Variants in PID1 observed in about 807,000 individuals in gnomAD.
PID1 encodes phosphotyrosine interaction domain containing 1.
In PID1, 10 loss-of-function variants were observed where a neutral mutation model predicts 19.1. The ratio of observed to expected loss-of-function variants is 0.52; its 90% CI spans 0.32 to 0.89. The LOEUF (loss-of-function observed/expected upper bound fraction) is 0.89, where lower values mean the gene tolerates loss of function less well. PID1 is among the 40% of genes least tolerant of loss of function. PID1 has a pLI of 0.03. For missense variants in PID1, 248 were observed against 285.3 expected (o/e 0.87, Z 0.94); for synonymous variants, 130 against 116.0 (o/e 1.12, Z -0.78).
At chr2:229,058,877 C>T (rs1026160659) in intron 2 of PID1, among the ~76,000 whole-genome samples, 3 of 152,020 alleles carry the variant, frequency 2.0e-5, no homozygotes, top group African/African-American at 7.2e-5. Context: ...CTTAAAAGAG[C>T]TTCAGAAGTC....
chr2:229,073,058 C>A (rs1258733737), intron 2 of PID1, among the ~76,000 whole-genome samples: 2 of 152,196 alleles, frequency 1.3e-5, no homozygotes, highest in African/African-American at 4.8e-5. Context: ...CGGAGTCTCG[C>A]TCTGTCACCC....
chr2:229,148,987 CT>C (rs1690192439), intron 2 of PID1, among the ~76,000 whole-genome samples: 2 of 150,928 alleles, frequency 1.3e-5, no homozygotes, highest in Admixed American at 6.6e-5. Flanking sequence ...ATCAATGACT[CT>C]GAATTTAGAT....
intron 1 of PID1, among the ~76,000 whole-genome samples, chr2:229,171,380 T>C (rs1210465691): frequency 3.9e-5 from 6 of 152,190 alleles, no homozygotes; most frequent in Non-Finnish European, 8.8e-5. Context: ...CGCAAAGCCA[T>C]CTATGGAGGA....
At chr2:229,075,740 C>T (rs1014719846) in intron 2 of PID1, among the ~76,000 whole-genome samples, 55 of 152,290 alleles carry the variant, frequency 3.6e-4, no homozygotes, top group African/African-American at 1.3e-3. Flanking sequence ...GCTGGGTCCC[C>T]AACTCTCACT....
At position 229,026,082 on chromosome 2, in the gene PID1, G is replaced by A; in HGVS notation, c.204C>T (p.Thr68=). Reference sequence around the variant, plus strand: ...AGCCTGACAAAAACTGCATGCCAGTGGTGGAGACTTTGCCCAGGTAGGTAA... The same window carrying A: ...AGCCTGACAAAAACTGCATGCCAGTAGTGGAGACTTTGCCCAGGTAGGTAA... ...CKVTYLGKVS[T]TGMQFLSGCT... is the part of the protein sequence containing the mutation. The change falls in exon 3 of 3, where the codon ACC becomes ACT. Residue 68 remains threonine (T), a synonymous_variant. Transcript: ENST00000392055. 1 of 1,613,912 alleles carries A rather than the reference G, an allele frequency of 6.2e-7. No homozygotes were observed. The highest frequency in any genetic ancestry group is 8.5e-7 in the Non-Finnish European group (1 of 1,179,824).
chr2:229,263,267 T>C (rs1292240511), intron 1 of PID1, among the ~76,000 whole-genome samples: 1 of 152,194 alleles, frequency 6.6e-6, no homozygotes, highest in Non-Finnish European at 1.5e-5. Context: ...TCCTTCCATC[T>C]TATCATGCTA....
rs56674281 is a variant in PID1, at chr2:229,251,275, AT to A, written c.30+19738del. ...AATTGAAATATTTGCAAGGTACTGTATTTTTTTTTTTTTCAGTGTATAGGAA... is the reference window on the plus strand; with the variant it reads ...AATTGAAATATTTGCAAGGTACTGTATTTTTTTTTTTTCAGTGTATAGGAA... On this transcript the variant is annotated intron_variant, in intron 1 of 2. Transcript: ENST00000392055. Among the ~76,000 whole-genome samples the A allele has an allele frequency of 4.0e-3, 598 of 150,984 alleles. 4 individuals carry two copies. The highest frequency in any genetic ancestry group is 0.012 in the African/African-American group (477 of 41,230).
chr2:229,189,661 C>T (rs1331944364), intron 1 of PID1, among the ~76,000 whole-genome samples: 1 of 152,202 alleles, frequency 6.6e-6, no homozygotes. Flanking sequence ...TGCACCACTG[C>T]ACTCTAGCCT....
intron 1 of PID1, among the ~76,000 whole-genome samples, chr2:229,235,398 A>G (rs1042527846): frequency 6.6e-6 from 1 of 152,170 alleles, no homozygotes; most frequent in Non-Finnish European, 1.5e-5. Context: ...GTTGACTAAG[A>G]CCTCAGAAGG....
chr2:229,029,853 A>AT (rs1026801539), intron 2 of PID1, among the ~76,000 whole-genome samples: 1 of 151,770 alleles, frequency 6.6e-6, no homozygotes, highest in African/African-American at 2.4e-5. Flanking sequence ...AAAAAAAAAA[A>AT]ACAATTAAAA....
intron 2 of PID1, among the ~76,000 whole-genome samples, chr2:229,064,213 G>A (rs1694273900): frequency 6.6e-6 from 1 of 152,130 alleles, no homozygotes; most frequent in Non-Finnish European, 1.5e-5. Flanking sequence ...GCGAAGCAAG[G>A]TAAGAGGCTA....
intron 2 of PID1, among the ~76,000 whole-genome samples, chr2:229,096,842 C>T (rs1332690704): frequency 6.6e-6 from 1 of 152,104 alleles, no homozygotes; most frequent in Non-Finnish European, 1.5e-5. Flanking sequence ...GTAATAATAA[C>T]CCCACAGTTG....
chr2:229,121,210 T>C (rs1187922485), intron 2 of PID1, among the ~76,000 whole-genome samples: 1 of 152,148 alleles, frequency 6.6e-6, no homozygotes, highest in Non-Finnish European at 1.5e-5. Flanking sequence ...CACCTGTCCA[T>C]ACACCTGCAC....
intron 2 of PID1, among the ~76,000 whole-genome samples, chr2:229,087,212 T>A (rs1352136968): frequency 6.6e-6 from 1 of 152,114 alleles, no homozygotes; most frequent in African/African-American, 2.4e-5. Context: ...AGATACTGAC[T>A]ATTAAAAAAA....
intron 2 of PID1, among the ~76,000 whole-genome samples, chr2:229,112,860 C>T (rs1159405959): frequency 6.6e-6 from 1 of 152,048 alleles, no homozygotes; most frequent in East Asian, 1.9e-4. Context: ...ATGACAAAAC[C>T]CTAAAATCAG....
intron 2 of PID1, among the ~76,000 whole-genome samples, chr2:229,090,512 T>A (rs1303025812): frequency 6.6e-6 from 1 of 152,170 alleles, no homozygotes; most frequent in Non-Finnish European, 1.5e-5. Flanking sequence ...TGTTGTGGCT[T>A]GTAGCTTCCA....
intron 1 of PID1, among the ~76,000 whole-genome samples, chr2:229,252,438 C>A (rs1035340476): frequency 7.2e-5 from 11 of 152,118 alleles, no homozygotes; most frequent in Admixed American, 2.6e-4. Flanking sequence ...CTAGGACGTG[C>A]CAGCACACAT....
At chr2:229,037,409 G>C (rs1693686487) in intron 2 of PID1, among the ~76,000 whole-genome samples, 1 of 152,178 alleles carries the variant, frequency 6.6e-6, no homozygotes, top group Non-Finnish European at 1.5e-5. Context: ...TAAAGTGACA[G>C]ATTTATTTCT....
At chr2:229,103,623 G>C (rs1695116954) in intron 2 of PID1, among the ~76,000 whole-genome samples, 1 of 139,930 alleles carries the variant, frequency 7.1e-6, no homozygotes, top group Non-Finnish European at 1.5e-5. Flanking sequence ...TGTCACCCAG[G>C]CTGGAGTGCA....
Sources: gnomAD v4.1 joint callset for allele counts (sites outside exome capture counted in the v4.1 genomes callset) on GRCh38, gnomAD v4.1.1 for gene constraint, MANE v1.5 for transcripts, NCBI Gene and HGNC (gene_info 2026-07-23, HGNC 2026-07-21) for gene names.